The following DMD variants were observed in gnomAD, a reference collection of about 807,000 sequenced individuals.
DMD encodes dystrophin.
In DMD, 63 loss-of-function variants were observed where a neutral mutation model predicts 330.1. The ratio of observed to expected loss-of-function variants is 0.19; its 90% CI spans 0.16 to 0.24. The LOEUF is 0.24. Among genes scored for constraint, DMD ranks in the 10% least tolerant of loss-of-function variants. DMD has a pLI of 1.00. For missense variants in DMD, 3,344 were observed against 2,684.1 expected, an observed-to-expected ratio of 1.25 and a Z score of -5.43; for synonymous variants, 1,223 against 959.8, an observed-to-expected ratio of 1.27 and a Z score of -5.07.
intron 11 of DMD, among the ~76,000 whole-genome samples, chrX:32,620,258 G>A (rs969590431): frequency 8.9e-6 from 1 of 111,795 alleles, no homozygotes; most frequent in East Asian, 2.8e-4. Flanking sequence ...CATGGAACCT[G>A]TATGTAATGT....
chrX:32,887,521 G>A (rs184378579), intron 2 of DMD, among the ~76,000 whole-genome samples: 15 of 107,417 alleles, frequency 1.4e-4, no homozygotes, highest in East Asian at 3.0e-4. Flanking sequence ...AGGTTGAGGC[G>A]GGCAGATCAT....
chrX:32,382,537 T>A (rs2097931475), intron 33 of DMD, among the ~76,000 whole-genome samples: 1 of 111,092 alleles, frequency 9.0e-6, no homozygotes, highest in Non-Finnish European at 1.9e-5. Context: ...CTTATTTTCT[T>A]TAGGAGAGGT....
At position 32,565,748 on chromosome X, in the gene DMD, C is replaced by A. The variant is rs749004200; in HGVS notation, c.1946G>T (p.Arg649Leu). ...KTEAWLDNFA[R>L]CWDNLVQKLE... is the part of the protein sequence containing the mutation. ...TTTTTGGACTAAATTATCCCAACAC[C>A]GGGCAAAGTTATCCAGCCATGCTTC... The change falls in exon 16 of 79, where the codon CGG (arginine) becomes CTG (leucine). Residue 649 changes from arginine (R) to leucine (L), a missense_variant. Arg to Leu is a moderately radical substitution (Grantham distance 102). Coordinates refer to ENST00000357033, the MANE Select transcript of DMD (RefSeq NM_004006.3). 8.3e-7 allele frequency: 1 copy of A among 1,211,547 alleles called. No individual in the cohort carries two copies. Among genetic ancestry groups the A allele is most frequent in the African/African-American group, 1.7e-5 (1 of 57,787 alleles).
At chrX:32,729,060 G>A (rs966138348) in intron 7 of DMD, among the ~76,000 whole-genome samples, 7 of 112,145 alleles carry the variant, frequency 6.2e-5, no homozygotes, top group Admixed American at 3.8e-4. Flanking sequence ...CGGGCAACAC[G>A]TGTAAGCAAG....
At chrX:31,742,306 G>A (rs753662847) in intron 51 of DMD, among the ~76,000 whole-genome samples, 5 of 112,771 alleles carry the variant, frequency 4.4e-5, no homozygotes, top group Non-Finnish European at 9.4e-5. Context: ...TGGCACAAGA[G>A]GTCTGGCTTT....
At chrX:32,501,657 T>A (rs902680528) in intron 19 of DMD, 98 bp downstream of exon 19, 29 of 614,700 alleles carry the variant, frequency 4.7e-5, no homozygotes, top group Non-Finnish European at 6.9e-5. Flanking sequence ...AAATTTGTAT[T>A]TAACAAGTGC....
At chrX:31,314,202 T>C (rs1029416071) in intron 62 of DMD, among the ~76,000 whole-genome samples, 8 of 112,187 alleles carry the variant, frequency 7.1e-5, no homozygotes, top group African/African-American at 2.6e-4. Flanking sequence ...AAGATACAGA[T>C]GAAACACTTT....
At chrX:32,167,725 A>G (rs1217463228) in intron 44 of DMD, among the ~76,000 whole-genome samples, 1 of 112,063 alleles carries the variant, frequency 8.9e-6, no homozygotes, top group Non-Finnish European at 1.9e-5. Flanking sequence ...GGCATGAAGG[A>G]CAGGCACGAA....
intron 1 of DMD, among the ~76,000 whole-genome samples, chrX:33,312,599 G>T (rs1221251234): frequency 8.9e-6 from 1 of 111,777 alleles, no homozygotes; most frequent in Non-Finnish European, 1.9e-5. Flanking sequence ...GTTATTCACT[G>T]TGTTTCTATA....
At chrX:31,650,891 TG>T (rs2148572154) in intron 54 of DMD, among the ~76,000 whole-genome samples, 1 of 111,763 alleles carries the variant, frequency 8.9e-6, no homozygotes, top group African/African-American at 3.2e-5. Context: ...CCAAGGCTGT[TG>T]TGAATGTCAA....
At chrX:32,833,919 G>T (rs1424314265) in intron 4 of DMD, among the ~76,000 whole-genome samples, 1 of 110,514 alleles carries the variant, frequency 9.0e-6, no homozygotes, top group Non-Finnish European at 1.9e-5. Flanking sequence ...TACTAAGGGG[G>T]ATGGGAAGAA....
intron 43 of DMD, among the ~76,000 whole-genome samples, chrX:32,284,096 G>C (rs1473020961): frequency 2.1e-4 from 23 of 111,660 alleles, no homozygotes; most frequent in Non-Finnish European, 4.3e-4. Context: ...TGCCTAGCCT[G>C]CTCTTCCTTT....
chrX:31,787,816 T>C (rs2091382997), intron 50 of DMD, among the ~76,000 whole-genome samples: 1 of 112,061 alleles, frequency 8.9e-6, no homozygotes, highest in African/African-American at 3.2e-5. Context: ...TGTTTTTATT[T>C]AACTTGTAGA....
At chrX:31,604,447 C>T (rs531267805) in intron 55 of DMD, among the ~76,000 whole-genome samples, 238 of 111,124 alleles carry the variant, frequency 2.1e-3, no homozygotes, top group African/African-American at 3.3e-3. Flanking sequence ...AATTAAAGTT[C>T]GAGACAGCGC....
At chrX:33,126,983 G>A (rs1366452279) in intron 1 of DMD, among the ~76,000 whole-genome samples, 1 of 111,693 alleles carries the variant, frequency 9.0e-6, no homozygotes, top group Non-Finnish European at 1.9e-5. Flanking sequence ...CAATCTGTAA[G>A]TGAGAAATGA....
At chrX:32,404,648 C>A (rs184747561) in intron 30 of DMD, among the ~76,000 whole-genome samples, 1 of 111,317 alleles carries the variant, frequency 9.0e-6, no homozygotes, top group East Asian at 2.8e-4. Flanking sequence ...GTTGTTCTTA[C>A]ATATCAAAGA....
At chrX:32,726,865 G>A (rs2066945561) in intron 7 of DMD, among the ~76,000 whole-genome samples, 1 of 110,090 alleles carries the variant, frequency 9.1e-6, no homozygotes, top group Non-Finnish European at 1.9e-5. Flanking sequence ...TGAGAATCAA[G>A]GCAATTCAAA....
Position 31,121,728 on chromosome X carries a change from C to T in DMD, c.*191G>A, listed in dbSNP as rs1347974866. On this transcript the variant is annotated 3_prime_UTR_variant, in exon 79 of 79. Coordinates refer to ENST00000357033, the MANE Select transcript of DMD (RefSeq NM_004006.3). ...GAAATCTACAGTATAATACCACTAC[C>T]CTTCACAAAAATATAGATTTATTTC... 3.2e-6 allele frequency: 2 copies of T among 618,126 alleles called. No individual in the cohort carries two copies. Among genetic ancestry groups the T allele is most frequent in the Non-Finnish European group, 5.3e-6 (2 of 376,947 alleles). The allele number at this position is 618,126 out of a possible 1,213,427, so 50.9% of individuals were successfully genotyped here. A position where few individuals can be genotyped will look rare whatever the true frequency, so the allele number is the denominator to read the frequency against.
At chrX:32,654,199 T>C (rs1381852718) in intron 9 of DMD, among the ~76,000 whole-genome samples, 2 of 110,823 alleles carry the variant, frequency 1.8e-5, no homozygotes, top group Admixed American at 9.7e-5. Context: ...TGAATAGGAG[T>C]GGTGAGAGAG....
Sources: allele counts gnomAD v4.1 joint callset (sites outside exome capture counted in the v4.1 genomes callset), GRCh38; gene constraint gnomAD v4.1.1; transcripts MANE v1.5; gene names NCBI Gene and HGNC (gene_info 2026-07-23, HGNC 2026-07-21).